Variants in SAMD5 observed in about 807,000 individuals in gnomAD.
SAMD5 encodes the protein sterile alpha motif domain-containing protein 5.
In SAMD5, 13 loss-of-function variants were observed where a neutral mutation model predicts 11.3. The ratio of observed to expected loss-of-function variants is 1.15; its 90% CI spans 0.75 to 1.83. The LOEUF (loss-of-function observed/expected upper bound fraction) is 1.83, where lower values mean the gene tolerates loss of function less well. Among genes scored for constraint, SAMD5 ranks in the 40% most tolerant of loss-of-function variants. The pLI is 0.00. For missense variants in SAMD5, 255 were observed against 239.1 expected (o/e 1.07, Z -0.44); for synonymous variants, 129 against 111.3 (o/e 1.16, Z -1.00).
At chr6:147,838,993 C>T in the SAMD5 span, among the ~76,000 whole-genome samples, 2 of 152,282 alleles carry the variant, frequency 1.3e-5, no homozygotes, top group South Asian at 2.1e-4. Flanking sequence ...TATTCACCTC[C>T]GACATTTCTA....
chr6:147,738,014 A>T (rs1466028872), downstream of SAMD5, among the ~76,000 whole-genome samples: 3 of 152,180 alleles, frequency 2.0e-5, no homozygotes, highest in East Asian at 3.8e-4. Flanking sequence ...TGTAACCAGT[A>T]ATCAGCTGCT....
chr6:147,742,991 A>T, the SAMD5 span, among the ~76,000 whole-genome samples: 2 of 152,220 alleles, frequency 1.3e-5, no homozygotes, highest in Non-Finnish European at 2.9e-5. Flanking sequence ...ATTGTTCTCT[A>T]AATTGCTGTA....
At chr6:147,894,107 G>C in the SAMD5 span, among the ~76,000 whole-genome samples, 1 of 138,732 alleles carries the variant, frequency 7.2e-6, no homozygotes, top group African/African-American at 2.7e-5. Flanking sequence ...TTTTTTTTTT[G>C]TTTGTTTCTT....
Position 147,566,480 on chromosome 6 carries a change from C to A in SAMD5, c.*2024C>A. The A allele has an allele frequency of 1.0e-6, 1 of 985,708 alleles. No homozygotes were observed. The highest frequency in any genetic ancestry group is 4.7e-5 in the South Asian group (1 of 21,274). The allele number at this position is 985,708 out of a possible 1,614,324, so 61.1% of individuals were successfully genotyped here. A position where few individuals can be genotyped will look rare whatever the true frequency, so the allele number is the denominator to read the frequency against. On this transcript the variant is annotated 3_prime_UTR_variant, in exon 2 of 2. Transcript: ENST00000367474. ...TGTACATTTGCATGTACTTGTTGAA[C>A]TTTGCTAGGAAGGACTCAATTTTTG...
intron 1 of SAMD5, among the ~76,000 whole-genome samples, chr6:147,683,557 T>C (rs540251204): frequency 6.6e-6 from 1 of 152,340 alleles, no homozygotes; most frequent in South Asian, 2.1e-4. Flanking sequence ...CCCCTTTTTC[T>C]TCATCTTTTT....
chr6:147,535,507 T>A (rs745528151), intron 1 of SAMD5, among the ~76,000 whole-genome samples: 7 of 152,216 alleles, frequency 4.6e-5, no homozygotes, highest in Non-Finnish European at 7.3e-5. Flanking sequence ...AGTTTTTCTT[T>A]TGAAGCATAA....
the SAMD5 span, among the ~76,000 whole-genome samples, chr6:147,810,513 T>G: frequency 6.6e-6 from 1 of 152,142 alleles, no homozygotes; most frequent in African/African-American, 2.4e-5. Flanking sequence ...CAGTTCTGAG[T>G]CACCTGTGGA....
At chr6:147,581,803 T>A (rs1281978131) in intron 1 of SAMD5, among the ~76,000 whole-genome samples, 1 of 152,096 alleles carries the variant, frequency 6.6e-6, no homozygotes, top group East Asian at 1.9e-4. Flanking sequence ...ACTATTTGGC[T>A]GTGAAGAGAG....
chr6:147,552,730 T>C (rs531260453), intron 1 of SAMD5, among the ~76,000 whole-genome samples: 1 of 152,274 alleles, frequency 6.6e-6, no homozygotes, highest in African/African-American at 2.4e-5. Context: ...TGGGGCGGGG[T>C]TGCGGAGGCG....
chr6:147,719,010 T>C (rs573760670), intron 1 of SAMD5, among the ~76,000 whole-genome samples: 3 of 152,280 alleles, frequency 2.0e-5, no homozygotes, highest in South Asian at 4.1e-4. Context: ...CTTTTAACAA[T>C]GTAAATTCTC....
At chr6:147,894,474 C>T in the SAMD5 span, among the ~76,000 whole-genome samples, 1 of 152,050 alleles carries the variant, frequency 6.6e-6, no homozygotes, top group Admixed American at 6.6e-5. Flanking sequence ...AAATAAGTTC[C>T]CAATCTGCCC....
intron 1 of SAMD5, among the ~76,000 whole-genome samples, chr6:147,668,628 G>C (rs899911306): frequency 4.6e-5 from 7 of 152,128 alleles, no homozygotes; most frequent in Admixed American, 2.6e-4. Flanking sequence ...TGGATCACTT[G>C]AGTTCAGGAG....
At chr6:147,528,050 G>T (rs1168702543) in intron 1 of SAMD5, among the ~76,000 whole-genome samples, 1 of 152,056 alleles carries the variant, frequency 6.6e-6, no homozygotes, top group Admixed American at 6.5e-5. Context: ...CTGTACAAGG[G>T]GGGATGCTGC....
chr6:147,734,452 C>T (rs1791761791), intron 1 of SAMD5, among the ~76,000 whole-genome samples: 1 of 152,038 alleles, frequency 6.6e-6, no homozygotes, highest in South Asian at 2.1e-4. Context: ...CGTGGTGGCT[C>T]ACGCCTGTAA....
At chr6:147,921,423 G>A in the SAMD5 span, among the ~76,000 whole-genome samples, 2 of 152,142 alleles carry the variant, frequency 1.3e-5, no homozygotes, top group Non-Finnish European at 2.9e-5. Flanking sequence ...GATTAGTGCC[G>A]CCACCACAGC....
the SAMD5 span, among the ~76,000 whole-genome samples, chr6:147,849,671 GA>G: frequency 6.6e-6 from 1 of 151,944 alleles, no homozygotes; most frequent in Admixed American, 6.6e-5. Flanking sequence ...GCCTGTGTGT[GA>G]AAAAAAAGTT....
intron 1 of SAMD5, among the ~76,000 whole-genome samples, chr6:147,535,578 A>G (rs1234266719): frequency 6.6e-6 from 1 of 152,236 alleles, no homozygotes; most frequent in African/African-American, 2.4e-5. Flanking sequence ...ATTTGTTTAC[A>G]AAATAAACTT....
chr6:147,751,872 C>G, the SAMD5 span, among the ~76,000 whole-genome samples: 1 of 151,756 alleles, frequency 6.6e-6, no homozygotes, highest in African/African-American at 2.4e-5. Context: ...ACAGGAAATA[C>G]AAACGTATAT....
chr6:147,917,827 T>C, the SAMD5 span, among the ~76,000 whole-genome samples: 1 of 152,352 alleles, frequency 6.6e-6, no homozygotes, highest in East Asian at 1.9e-4. Flanking sequence ...CCTTTCCCCA[T>C]TTCTTGTTTT....
Sources: allele counts gnomAD v4.1 joint callset (sites outside exome capture counted in the v4.1 genomes callset), GRCh38; gene constraint gnomAD v4.1.1; transcripts MANE v1.5; gene names NCBI Gene and HGNC (gene_info 2026-07-23, HGNC 2026-07-21).